RPAP2: variants seen among roughly 807,000 people sequenced by gnomAD.
RPAP2 encodes the protein putative RNA polymerase II subunit B1 CTD phosphatase RPAP2.
Under a neutral mutation model 73.1 loss-of-function variants are expected in RPAP2, and 52 were observed. The observed-to-expected ratio is 0.71, with a 90% CI of 0.57 to 0.90. The LOEUF is 0.90. RPAP2 is among the 40% of genes least tolerant of loss of function. The pLI is 0.00. For synonymous variants in RPAP2, 225 were observed against 242.1 expected (o/e 0.93, Z 0.65); for missense variants, 598 against 701.8 (o/e 0.85, Z 1.67).
In RPAP2 at chr1:92,396,352, T is replaced by A. The variant is rs1656182822; in HGVS notation, c.*9341T>A. On this transcript the variant is annotated 3_prime_UTR_variant, in exon 13 of 13. Coordinates refer to ENST00000610020, the MANE Select transcript of RPAP2 (RefSeq NM_024813.3). ...CCCAGATTATTTCTTTTTCTTTTTT[T>A]TTTTAACTGGTGGATTTCTTTAAAT... 1 of 152,142 alleles carries A rather than the reference T, an allele frequency of 6.6e-6. No homozygotes were observed. Among genetic ancestry groups the A allele is most frequent in the Middle Eastern group, 3.4e-3 (1 of 294 alleles). The allele number at this position is 152,142 out of a possible 1,614,324, so 9.4% of individuals were successfully genotyped here.
At chr1:92,304,927 A>C (rs1651097081) in intron 5 of RPAP2, among the ~76,000 whole-genome samples, 1 of 152,012 alleles carries the variant, frequency 6.6e-6, no homozygotes, top group African/African-American at 2.4e-5. Context: ...CCTGAGCTCA[A>C]GGAGTTGGAG....
chr1:92,351,767 T>C (rs879623487), intron 11 of RPAP2, among the ~76,000 whole-genome samples: 6 of 152,184 alleles, frequency 3.9e-5, no homozygotes, highest in Admixed American at 3.9e-4. Flanking sequence ...CCCGAGTTCC[T>C]TTATGTGCAG....
In RPAP2 at chr1:92,328,908, A is replaced by C. The variant is rs367990016; in HGVS notation, c.1456-4483A>C. Among the ~76,000 whole-genome samples, 5 of 151,892 alleles carry C rather than the reference A, an allele frequency of 3.3e-5. No individual in the cohort carries two copies. The East Asian group carries it at 9.7e-4, about 29-fold the overall frequency. ...TGAGAGCCAAACTGCAGTGATTGTT[A>C]TTGTTCTTGTGGATCTAGCCACCCA... On this transcript the variant is annotated intron_variant, in intron 8 of 12. Coordinates refer to ENST00000610020, the MANE Select transcript of RPAP2 (RefSeq NM_024813.3).
chr1:92,375,816 G>A (rs1228202530), intron 11 of RPAP2, among the ~76,000 whole-genome samples: 2 of 151,846 alleles, frequency 1.3e-5, no homozygotes, highest in Non-Finnish European at 2.9e-5. Context: ...GGGTGACAGG[G>A]TGAGACTCTG....
chr1:92,303,916 G>A (rs1018775207), intron 3 of RPAP2, 61 bp from the exon 4 acceptor site: 39 of 1,111,000 alleles, frequency 3.5e-5, no homozygotes, highest in Non-Finnish European at 5.1e-5. Context: ...GAGGCTTAGA[G>A]AGCTGATAAA....
chr1:92,329,840 C>T lies in RPAP2; in HGVS notation c.1456-3551C>T, dbSNP rs59513043. ...TTGCACATATTTTCAGAATGAGTGA[C>T]ATTAGCGTATGAATTGGTCATGGTC... On this transcript the variant is annotated intron_variant, in intron 8 of 12. Coordinates refer to ENST00000610020, the MANE Select transcript of RPAP2 (RefSeq NM_024813.3). 7.2e-3 allele frequency among the ~76,000 whole-genome samples: 1,090 copies of T among 152,256 alleles called. 12 individuals are homozygous for T. The highest frequency in any genetic ancestry group is 0.025 in the African/African-American group (1,043 of 41,532).
chr1:92,312,038 C>A (rs1001874941), intron 6 of RPAP2, among the ~76,000 whole-genome samples: 2 of 152,148 alleles, frequency 1.3e-5, no homozygotes, highest in African/African-American at 2.4e-5. Flanking sequence ...CTGCACTGAT[C>A]GACTTCCTTT....
At chr1:92,345,988 C>A in intron 11 of RPAP2, 74 bp downstream of exon 11, 1 of 1,068,644 alleles carries the variant, frequency 9.4e-7, no homozygotes. Context: ...CAAAGTGATC[C>A]ACTGATTTTG....
intron 11 of RPAP2, among the ~76,000 whole-genome samples, chr1:92,349,471 G>GA (rs1004525692): frequency 2.7e-4 from 41 of 152,130 alleles, no homozygotes; most frequent in African/African-American, 7.7e-4. Context: ...GTTAAAGGGG[G>GA]AAAAAAATCA....
intron 8 of RPAP2, among the ~76,000 whole-genome samples, chr1:92,332,468 A>G (rs1653025283): frequency 6.6e-6 from 1 of 152,008 alleles, no homozygotes; most frequent in Non-Finnish European, 1.5e-5. Context: ...TTTTTATCAT[A>G]TTGTCGTGTT....
rs1174140010 is a variant in RPAP2, at chr1:92,391,034, A to G, written c.*4023A>G. On this transcript the variant is annotated 3_prime_UTR_variant, in exon 13 of 13. Transcript: ENST00000610020. ...TTGAACTCAGCTCTGGACCAAGCAG[A>G]CCTAATAGACATCGACAGAACTCTC... is the stretch of plus-strand genomic sequence containing the variant. The G allele has an allele frequency of 6.6e-6, 1 of 152,218 alleles. No homozygotes were observed. The highest frequency in any genetic ancestry group is 1.5e-5 in the Non-Finnish European group (1 of 68,048). The allele number at this position is 152,218 out of a possible 1,614,324, so 9.4% of individuals were successfully genotyped here. A position where few individuals can be genotyped will look rare whatever the true frequency, so the allele number is the denominator to read the frequency against.
At chr1:92,309,595 A>G (rs1474373870) in intron 6 of RPAP2, among the ~76,000 whole-genome samples, 1 of 134,532 alleles carries the variant, frequency 7.4e-6, no homozygotes, top group Non-Finnish European at 1.5e-5. Context: ...ACACATACAC[A>G]TACACATACA....
intron 11 of RPAP2, among the ~76,000 whole-genome samples, chr1:92,350,379 GA>G (rs939651095): frequency 3.3e-5 from 5 of 152,030 alleles, no homozygotes; most frequent in African/African-American, 1.2e-4. Flanking sequence ...ACTTTTTTTA[GA>G]AGAACTCATT....
chr1:92,302,031 A>T (rs1650889956), intron 3 of RPAP2, among the ~76,000 whole-genome samples: 1 of 152,238 alleles, frequency 6.6e-6, no homozygotes, highest in African/African-American at 2.4e-5. Flanking sequence ...ATGTAATCCC[A>T]GCACTTTGGG....
chr1:92,355,077 A>AT (rs1018579582), intron 11 of RPAP2, among the ~76,000 whole-genome samples: 5 of 151,762 alleles, frequency 3.3e-5, no homozygotes, highest in African/African-American at 9.7e-5. Context: ...TATTATTATT[A>AT]TTTTTTGTAG....
At chr1:92,342,307 A>G (rs1271425929) in intron 10 of RPAP2, among the ~76,000 whole-genome samples, 3 of 152,198 alleles carry the variant, frequency 2.0e-5, no homozygotes, top group African/African-American at 7.2e-5. Context: ...AGCAGGTGCA[A>G]AGACTAAACC....
At chr1:92,327,914 C>T (rs1571067131) in intron 8 of RPAP2, among the ~76,000 whole-genome samples, 1 of 152,224 alleles carries the variant, frequency 6.6e-6, no homozygotes, top group Non-Finnish European at 1.5e-5. Context: ...CATTTATGAA[C>T]CTTAGTTTCG....
At chr1:92,350,370 CT>C (rs562525462) in intron 11 of RPAP2, among the ~76,000 whole-genome samples, 23 of 152,226 alleles carry the variant, frequency 1.5e-4, no homozygotes, top group African/African-American at 5.1e-4. Context: ...AATTGATTGA[CT>C]TTTTTTAGAA....
chr1:92,319,923 G>A lies in RPAP2; in HGVS notation c.489-676G>A, dbSNP rs145196094. ...TGAGGCAGGAGAATCACTTGAACCCGGGAGGCAGAGGTTATGGTGAGCTGT... is the reference window on the plus strand; with the variant it reads ...TGAGGCAGGAGAATCACTTGAACCCAGGAGGCAGAGGTTATGGTGAGCTGT... On this transcript the variant is annotated intron_variant, in intron 6 of 12. Transcript: ENST00000610020. Among the ~76,000 whole-genome samples, 902 of 151,964 alleles carry A rather than the reference G, an allele frequency of 5.9e-3. 8 individuals carry two copies. The highest frequency in any genetic ancestry group is 0.019 in the African/African-American group (794 of 41,422).
Sources: gnomAD v4.1 joint callset for allele counts (sites outside exome capture counted in the v4.1 genomes callset) on GRCh38, gnomAD v4.1.1 for gene constraint, MANE v1.5 for transcripts, NCBI Gene and HGNC (gene_info 2026-07-23, HGNC 2026-07-21) for gene names.